HSD17B2: variants seen among roughly 807,000 people sequenced by gnomAD.
The protein encoded by HSD17B2 is 17-beta-hydroxysteroid dehydrogenase type 2.
In HSD17B2, 32 loss-of-function variants were observed where a neutral mutation model predicts 26.9. The observed-to-expected ratio is 1.19, with a 90% CI of 0.90 to 1.60. The LOEUF (loss-of-function observed/expected upper bound fraction) is 1.60, where lower values mean the gene tolerates loss of function less well. HSD17B2 is among the 40% of genes most tolerant of loss of function. HSD17B2 has a pLI of 0.00. For synonymous variants in HSD17B2, 246 were observed against 186.7 expected (o/e 1.32, Z -2.59); for missense variants, 613 against 468.6 (o/e 1.31, Z -2.85).
chr16:82,066,749 T>A (rs1445597610), intron 1 of HSD17B2, among the ~76,000 whole-genome samples: 1 of 152,210 alleles, frequency 6.6e-6, no homozygotes, highest in African/African-American at 2.4e-5. Context: ...ATTATTATAC[T>A]GCAAATTATT....
chr16:82,091,709 T>G (rs915704752), intron 4 of HSD17B2: 6 of 153,096 alleles, frequency 3.9e-5, no homozygotes, highest in African/African-American at 1.4e-4. Context: ...TTAAGTCTCT[T>G]AGTGCAGGGG....
chr16:82,051,515 A>G (rs1914105155), intron 1 of HSD17B2, among the ~76,000 whole-genome samples: 1 of 151,912 alleles, frequency 6.6e-6, no homozygotes, highest in South Asian at 2.1e-4. Context: ...GAACTGAACT[A>G]TGAGAACATA....
chr16:82,046,072 G>A (rs1176442769), intron 1 of HSD17B2, among the ~76,000 whole-genome samples: 9 of 152,232 alleles, frequency 5.9e-5, no homozygotes, highest in Admixed American at 1.3e-4. Context: ...TGCTGACTGG[G>A]AGCAGGATGT....
At chr16:82,090,780 G>T in intron 3 of HSD17B2, 122 bp from the exon 4 acceptor site, 1 of 923,676 alleles carries the variant, frequency 1.1e-6, no homozygotes, top group Non-Finnish European at 1.6e-6. Flanking sequence ...GGCCTTGCCT[G>T]CCTTTGTCTG....
intron 3 of HSD17B2, among the ~76,000 whole-genome samples, chr16:82,079,157 C>CGTT (rs1904323165): frequency 6.6e-6 from 1 of 152,084 alleles, no homozygotes; most frequent in Non-Finnish European, 1.5e-5. Flanking sequence ...TATACACCAA[C>CGTT]TATGTTCCCA....
At position 82,098,185 on chromosome 16, in the gene HSD17B2, A is replaced by C; in HGVS notation, c.913A>C (p.Asn305His). The change falls in exon 5 of 5, where the codon AAT (asparagine) becomes CAT (histidine). Residue 305 changes from asparagine (N) to histidine (H), a missense_variant. By Grantham distance (68) the Asn-to-His change is moderately conservative. Transcript: ENST00000199936. ...YGQDYILAQR[N>H]FLLLINSLAS... is the part of the protein sequence containing the mutation. ...CCAGGACTACATCTTAGCACAGCGG[A>C]ATTTCCTCCTATTGATCAACTCGTT... 1 of 1,614,142 alleles carries C rather than the reference A, an allele frequency of 6.2e-7. No homozygotes were observed. Among genetic ancestry groups the C allele is most frequent in the Non-Finnish European group, 8.5e-7 (1 of 1,180,014 alleles).
At chr16:82,058,072 T>A (rs1386289525) in intron 1 of HSD17B2, among the ~76,000 whole-genome samples, 1 of 121,130 alleles carries the variant, frequency 8.3e-6, no homozygotes, top group Non-Finnish European at 1.6e-5. Flanking sequence ...TTGTTGTTAA[T>A]TTTTTTTTTT....
At chr16:82,075,327 T>A (rs919455496) in intron 3 of HSD17B2, among the ~76,000 whole-genome samples, 5 of 151,596 alleles carry the variant, frequency 3.3e-5, no homozygotes, top group Non-Finnish European at 7.4e-5. Context: ...TCAAAATTAG[T>A]AGAAGAAAAG....
chr16:82,042,079 T>A (rs1913782355), intron 1 of HSD17B2, among the ~76,000 whole-genome samples: 1 of 152,064 alleles, frequency 6.6e-6, no homozygotes, highest in African/African-American at 2.4e-5. Context: ...CTTGGTTCAC[T>A]GCAATCTCTG....
rs8191240 is a variant in HSD17B2, at chr16:82,097,704, C to T, written c.803-371C>T. On this transcript the variant is annotated intron_variant, in intron 4 of 4. Coordinates refer to ENST00000199936, the MANE Select transcript of HSD17B2 (RefSeq NM_002153.3). ...CTGAAATCTCAGCACTTTGGGAGGCCGAGGCAGGTGGACCAATTGAGGTCA... is the reference window on the plus strand; with the variant it reads ...CTGAAATCTCAGCACTTTGGGAGGCTGAGGCAGGTGGACCAATTGAGGTCA... 5.8e-3 allele frequency: 910 copies of T among 156,528 alleles called. 9 individuals carry two copies. The highest frequency in any genetic ancestry group is 6.9e-3 in the Non-Finnish European group (490 of 71,026). 9.7% of individuals were successfully genotyped at this position (156,528 alleles called of 1,614,324 possible).
At chr16:82,069,203 T>C (rs1014950421) in intron 2 of HSD17B2, among the ~76,000 whole-genome samples, 1 of 152,222 alleles carries the variant, frequency 6.6e-6, no homozygotes, top group African/African-American at 2.4e-5. Context: ...CTGAGGATAA[T>C]GGCTTCCAGC....
chr16:82,076,608 C>T (rs1437995585), intron 3 of HSD17B2, among the ~76,000 whole-genome samples: 2 of 152,174 alleles, frequency 1.3e-5, no homozygotes, highest in Non-Finnish European at 2.9e-5. Context: ...CAGAGTCTCG[C>T]TCTGTTGCCA....
chr16:82,035,344 G>A lies in HSD17B2; in HGVS notation c.-81G>A. Reference sequence around the variant, plus strand: ...CTCCCTTCTTGACTCTCTGTTCACAGAACTCAGGCTGCCTCCAGCCAGCCT... The same window carrying A: ...CTCCCTTCTTGACTCTCTGTTCACAAAACTCAGGCTGCCTCCAGCCAGCCT... On this transcript the variant is annotated 5_prime_UTR_variant, in exon 1 of 5. Coordinates refer to ENST00000199936, the MANE Select transcript of HSD17B2 (RefSeq NM_002153.3). The A allele has an allele frequency of 7.1e-7, 1 of 1,408,782 alleles. No individual in the cohort carries two copies. Among genetic ancestry groups the A allele is most frequent in the Non-Finnish European group, 9.8e-7 (1 of 1,023,498 alleles). The allele number at this position is 1,408,782 out of a possible 1,614,324, so 87.3% of individuals were successfully genotyped here.
intron 1 of HSD17B2, among the ~76,000 whole-genome samples, chr16:82,050,332 C>A (rs911022234): frequency 6.6e-6 from 1 of 151,952 alleles, no homozygotes; most frequent in Non-Finnish European, 1.5e-5. Flanking sequence ...CCCATCTTCT[C>A]CCCTGCCCGC....
Position 82,090,943 on chromosome 16 carries a change from A to G in HSD17B2, c.706A>G (p.Lys236Glu). 1 of 1,614,020 alleles carries G rather than the reference A, an allele frequency of 6.2e-7. No homozygotes were observed. The highest frequency in any genetic ancestry group is 1.1e-5 in the South Asian group (1 of 91,080). ...MERLASYGSS[K>E]AAVTMFSSVM... Reference sequence around the variant, plus strand: ...AAGGCTGGCATCTTATGGCTCATCAAAGGCGGCTGTGACCATGTTCTCATC... The same window carrying G: ...AAGGCTGGCATCTTATGGCTCATCAGAGGCGGCTGTGACCATGTTCTCATC... The change falls in exon 4 of 5, where the codon AAG (lysine) becomes GAG (glutamate). Residue 236 changes from lysine to glutamate, a missense_variant. Transcript: ENST00000199936.
At chr16:82,098,044 G>T in intron 4 of HSD17B2, 31 bp from the exon 5 acceptor site, 1 of 1,585,748 alleles carries the variant, frequency 6.3e-7, no homozygotes, top group Non-Finnish European at 8.6e-7. Flanking sequence ...GCCTTCCCAG[G>T]ATCTGACTCT....
intron 1 of HSD17B2, among the ~76,000 whole-genome samples, chr16:82,062,852 C>T (rs1230344843): frequency 6.6e-6 from 1 of 152,238 alleles, no homozygotes; most frequent in African/African-American, 2.4e-5. Flanking sequence ...TTTCCCCTCT[C>T]CTCAAGGAGT....
intron 1 of HSD17B2, among the ~76,000 whole-genome samples, chr16:82,049,914 G>T: frequency 6.6e-6 from 1 of 152,300 alleles, no homozygotes; most frequent in East Asian, 1.9e-4. Flanking sequence ...TCTTGAATCC[G>T]GTGGATATCA....
At chr16:82,075,675 C>T (rs952475278) in intron 3 of HSD17B2, among the ~76,000 whole-genome samples, 5 of 152,000 alleles carry the variant, frequency 3.3e-5, no homozygotes, top group Admixed American at 6.5e-5. Flanking sequence ...TGAAGGAATC[C>T]ATAACCTGAA....
Sources: allele counts gnomAD v4.1 joint callset (sites outside exome capture counted in the v4.1 genomes callset), GRCh38; gene constraint gnomAD v4.1.1; transcripts MANE v1.5; gene names NCBI Gene and HGNC (gene_info 2026-07-23, HGNC 2026-07-21).